Variants in MGAM observed in about 807,000 individuals in gnomAD.
The protein encoded by MGAM is maltase-glucoamylase, also known as alpha-1,4-glucosidase.
Under a neutral mutation model 358.8 loss-of-function variants are expected in MGAM, and 253 were observed. The ratio of observed to expected loss-of-function variants is 0.71; its 90% CI spans 0.64 to 0.78. MGAM has a LOEUF of 0.78. Ranked by LOEUF, MGAM falls within the 30% of genes least tolerant of loss-of-function variation. The pLI is 0.00. For missense variants in MGAM, 3,080 were observed against 3,432.6 expected, an observed-to-expected ratio of 0.90 and a Z score of 2.57; for synonymous variants, 1,105 against 1,227.1, an observed-to-expected ratio of 0.90 and a Z score of 2.08.
At chr7:142,041,683 C>G (rs1808570816) in intron 21 of MGAM, among the ~76,000 whole-genome samples, 1 of 150,702 alleles carries the variant, frequency 6.6e-6, no homozygotes, top group Non-Finnish European at 1.5e-5. Flanking sequence ...AAAGCTTTCT[C>G]TTTCCCAGAC....
chr7:142,014,307 G>A (rs1289106384), intron 3 of MGAM, among the ~76,000 whole-genome samples: 2 of 152,104 alleles, frequency 1.3e-5, no homozygotes, highest in African/African-American at 4.8e-5. Context: ...TTTTTATATT[G>A]TTAGGCATGA....
chr7:142,094,545 G>A (rs779943832), intron 61 of MGAM, 48 bp downstream of exon 61: 6 of 1,556,616 alleles, frequency 3.9e-6, no homozygotes, highest in Non-Finnish European at 5.3e-6. Flanking sequence ...AGGGAGTTGG[G>A]ATCCTTGGGG....
chr7:142,056,019 G>T lies in MGAM; in HGVS notation c.3503G>T (p.Gly1168Val), dbSNP rs1440433997. Residue 1168 changes from glycine to valine, a missense_variant, in exon 29 of 71, where the codon GGT (glycine) becomes GTT (valine). Coordinates refer to ENST00000475668, the MANE Select transcript of MGAM (RefSeq NM_001365693.1). ...CCCCAGTACAAGAAGAATTCCTATG[G>T]TGTCCACCCCTACTACATGGGGCTG... ...QPPGYKKNSY[G>V]VHPYYMGLEE... 1.9e-6 allele frequency: 3 copies of T among 1,611,644 alleles called. No individual in the cohort carries two copies. The highest frequency in any genetic ancestry group is 1.1e-5 in the South Asian group (1 of 90,434).
At position 142,086,323 on chromosome 7, in the gene MGAM, G is replaced by A; in HGVS notation, c.6742G>A (p.Gly2248Arg). 1 of 1,529,240 alleles carries A rather than the reference G, an allele frequency of 6.5e-7. No individual in the cohort carries two copies. The highest frequency in any genetic ancestry group is 9.0e-7 in the Non-Finnish European group (1 of 1,116,732). 94.7% of individuals were successfully genotyped at this position (1,529,240 alleles called of 1,614,324 possible). Residue 2248 changes from glycine (G) to arginine (R), a missense_variant, in exon 56 of 71, where the codon GGA becomes AGA. This residue lies in a region of MGAM where 932 missense variants were observed against 1,198.2 expected (regional missense o/e 0.78). Coordinates refer to ENST00000475668, the MANE Select transcript of MGAM (RefSeq NM_001365693.1). ...KYPNDGDIVW[G>R]KVWPDFPDVV... ...CCCAAATGATGGAGACATTGTCTGG[G>A]GAAAGGTATAATCCTAAGCGATGAT...
At chr7:142,072,422 C>A (rs1349868435) in intron 44 of MGAM, among the ~76,000 whole-genome samples, 1 of 146,284 alleles carries the variant, frequency 6.8e-6, no homozygotes, top group African/African-American at 2.4e-5. Context: ...AATCTTCCAG[C>A]AGAGGAAGCA....
At chr7:142,014,659 G>A (rs1237155437) in intron 3 of MGAM, among the ~76,000 whole-genome samples, 3 of 151,884 alleles carry the variant, frequency 2.0e-5, no homozygotes, top group Admixed American at 2.0e-4. Flanking sequence ...TATTTACCAT[G>A]CATTCCTTTC....
At chr7:142,080,659 C>T in intron 49 of MGAM, 132 bp from the exon 50 acceptor site, 1 of 835,814 alleles carries the variant, frequency 1.2e-6, no homozygotes, top group Non-Finnish European at 1.8e-6. Context: ...TTAATTAAAT[C>T]TCAGACATCA....
chr7:142,048,380 A>C lies in MGAM; in HGVS notation c.2587+507A>C, dbSNP rs529914148. On this transcript the variant is annotated intron_variant, in intron 22 of 70. Transcript: ENST00000475668. ...AGCCAGGATGATCTCGATCTCCTAA[A>C]TTCGTAATCTGCCCGGCTCGGCCCC... 3.3e-5 allele frequency among the ~76,000 whole-genome samples: 5 copies of C among 151,704 alleles called. No homozygotes were observed. In the South Asian group the frequency reaches 1.0e-3, roughly 32 times the overall value.
chr7:142,073,979 T>C (rs145025952), intron 44 of MGAM, 106 bp from the exon 45 acceptor site: 19,790 of 815,824 alleles, frequency 0.024, 2,405 homozygotes, highest in Non-Finnish European at 0.029. Flanking sequence ...CAGAACCATC[T>C]GCTGCTAGTA....
intron 2 of MGAM, among the ~76,000 whole-genome samples, chr7:141,989,685 G>A (rs77803948): frequency 1.5e-3 from 233 of 151,948 alleles, no homozygotes; most frequent in African/African-American, 5.6e-3. Flanking sequence ...TATGGAGGCT[G>A]AGAATCCCTA....
intron 57 of MGAM, among the ~76,000 whole-genome samples, chr7:142,088,825 CTA>C (rs1815069619): frequency 1.6e-5 from 1 of 63,208 alleles, no homozygotes; most frequent in African/African-American, 5.6e-5. Flanking sequence ...TATGTACCAT[CTA>C]TCTATCTATC....
chr7:142,031,933 C>A (rs1275484709), intron 13 of MGAM, 140 bp downstream of exon 13: 2 of 538,460 alleles, frequency 3.7e-6, no homozygotes, highest in East Asian at 6.1e-5. Context: ...TATTCACTCT[C>A]TTACTATTTA....
intron 2 of MGAM, 60 bp from the exon 3 acceptor site, chr7:142,008,446 A>G: frequency 5.3e-6 from 8 of 1,518,824 alleles, no homozygotes; most frequent in Non-Finnish European, 7.1e-6. Context: ...GTTGAGAACT[A>G]TTGAATGTCT....
upstream of MGAM, among the ~76,000 whole-genome samples, chr7:141,994,027 C>T (rs111725780): frequency 1.2e-4 from 19 of 152,118 alleles, no homozygotes; most frequent in African/African-American, 4.1e-4. Flanking sequence ...AGGCACGCAC[C>T]GCCATGCCCG....
At position 142,075,793 on chromosome 7, in the gene MGAM, G is replaced by A. The variant is rs1813685844; in HGVS notation, c.5276-410G>A. The stretch of plus-strand genomic sequence containing the variant: ...TAAAAAAGAAAGGAGAGAAGTGCTG[G>A]TGAGGGTGTGGAGAAAATAGAATTT... On this transcript the variant is annotated intron_variant, in intron 45 of 70. Coordinates refer to ENST00000475668, the MANE Select transcript of MGAM (RefSeq NM_001365693.1). Among the ~76,000 whole-genome samples, 2 of 145,932 alleles carry A rather than the reference G, an allele frequency of 1.4e-5. 1 individual carries two copies. Among genetic ancestry groups the A allele is most frequent in the Non-Finnish European group, 3.1e-5 (2 of 64,440 alleles).
rs200018384 is a variant in MGAM at position 142,060,200 on chromosome 7, A to T, written c.4060-111A>T. 4.8e-3 allele frequency: 6,957 copies of T among 1,440,652 alleles called. No individual in the cohort carries two copies. In the East Asian group the frequency reaches 0.097, roughly 20 times the overall value. The allele number at this position is 1,440,652 out of a possible 1,614,324, so 89.2% of individuals were successfully genotyped here. On this transcript the variant is annotated intron_variant, in intron 33 of 70. Coordinates refer to ENST00000475668, the MANE Select transcript of MGAM (RefSeq NM_001365693.1). Reference sequence around the variant, plus strand: ...TTCTTTTATGTCAATCCTATGTGATAGTCAAAGTATTATTGCTCCTAGGAG... The same window carrying T: ...TTCTTTTATGTCAATCCTATGTGATTGTCAAAGTATTATTGCTCCTAGGAG...
At chr7:142,062,464 C>T (rs1478822771) in intron 34 of MGAM, 104 bp from the exon 35 acceptor site, 1 of 1,436,180 alleles carries the variant, frequency 7.0e-7, no homozygotes, top group African/African-American at 1.4e-5. Flanking sequence ...GGCTGTCTGT[C>T]ACCATGCAGT....
rs1816585215 is a variant in MGAM, at chr7:142,103,261, T to C, written c.8014-8T>C. The C allele has an allele frequency of 6.4e-7, 1 of 1,572,984 alleles. No homozygotes were observed. The highest frequency in any genetic ancestry group is 1.2e-5 in the South Asian group (1 of 84,484). On this transcript the variant is annotated splice_region_variant and splice_polypyrimidine_tract_variant and intron_variant, in intron 69 of 70. Transcript: ENST00000475668. Reference sequence around the variant, plus strand: ...TATTATATTTTTCTTTTATCTCCAATTCAACAGAATACGATGCAAAGCCAT... The same window carrying C: ...TATTATATTTTTCTTTTATCTCCAACTCAACAGAATACGATGCAAAGCCAT...
In MGAM at chr7:142,094,469, G is replaced by T; in HGVS notation, c.7278G>T (p.Ala2426=). The change falls in exon 61 of 71, where the codon GCG becomes GCT. Residue 2426 remains alanine (A), a synonymous_variant. Transcript: ENST00000475668. ...ATTGGCTGGGAGACAACACAGCCGC[G>T]TGGGATCAGCTGAAGAAGTCTATCA... is the stretch of plus-strand genomic sequence containing the variant. The part of the protein sequence containing the change: ...AGHWLGDNTA[A]WDQLKKSIIG... The T allele has an allele frequency of 6.5e-7, 1 of 1,535,608 alleles. No homozygotes were observed. The highest frequency in any genetic ancestry group is 8.9e-7 in the Non-Finnish European group (1 of 1,121,190).
Sources: allele counts gnomAD v4.1 joint callset (sites outside exome capture counted in the v4.1 genomes callset), GRCh38; gene constraint gnomAD v4.1.1; regional missense constraint gnomAD v4.1.1; transcripts MANE v1.5; gene names NCBI Gene and HGNC (gene_info 2026-07-23, HGNC 2026-07-21).